Variants in UBE2B observed in about 807,000 individuals in gnomAD.
The protein encoded by UBE2B is ubiquitin conjugating enzyme E2 B, also known as ubiquitin-conjugating enzyme E2 B.
Under a neutral mutation model 24.6 loss-of-function variants are expected in UBE2B, and 11 were observed. That is an observed-to-expected ratio of 0.45 (90% confidence interval 0.28 to 0.74). UBE2B has a LOEUF of 0.74. Among genes scored for constraint, UBE2B ranks in the 30% least tolerant of loss-of-function variants. The pLI is 0.13. For synonymous variants in UBE2B, 68 were observed against 62.4 expected, an observed-to-expected ratio of 1.09 and a Z score of -0.42; for missense variants, 78 against 185.6, an observed-to-expected ratio of 0.42 and a Z score of 3.37.
At position 134,376,322 on chromosome 5, in the gene UBE2B, CAAAA is replaced by C. The variant is rs1176500916; in HGVS notation, c.126-323_126-320del. Among the ~76,000 whole-genome samples, 5 of 7,464 alleles carry C rather than the reference CAAAA, an allele frequency of 6.7e-4. 1 individual carries two copies. The highest frequency in any genetic ancestry group is 5.8e-3 in the East Asian group (1 of 172). The allele number at this position is 7,464 out of a possible 152,430, so 4.9% of individuals were successfully genotyped here. ...GGGGGACAAGAGCAAAACTCCGTCT[CAAAA>C]AAAAAAAAAAAAAAAAAAAAAAATA... On this transcript the variant is annotated intron_variant, in intron 2 of 5. Coordinates refer to ENST00000265339, the MANE Select transcript of UBE2B (RefSeq NM_003337.4).
chr5:134,380,546 C>T (rs1163070694), intron 3 of UBE2B, among the ~76,000 whole-genome samples, 173 bp from the exon 4 acceptor site: 2 of 152,262 alleles, frequency 1.3e-5, no homozygotes, highest in Admixed American at 6.5e-5. Flanking sequence ...GCCAATGCTG[C>T]GTGTTACCAT....
chr5:134,384,238 T>TA (rs1395819707), intron 4 of UBE2B, among the ~76,000 whole-genome samples: 2 of 152,206 alleles, frequency 1.3e-5, no homozygotes, highest in Non-Finnish European at 2.9e-5. Context: ...TAGAGCTCCC[T>TA]ACCCAGAGGA....
At chr5:134,375,716 G>A (rs1004588830) in intron 2 of UBE2B, among the ~76,000 whole-genome samples, 1 of 148,700 alleles carries the variant, frequency 6.7e-6, no homozygotes, top group East Asian at 2.0e-4. Context: ...GGAGAATGGC[G>A]TGAACCCCAG....
chr5:134,375,089 CAA>C (rs1463420517), intron 2 of UBE2B, among the ~76,000 whole-genome samples: 2 of 152,020 alleles, frequency 1.3e-5, no homozygotes, highest in African/African-American at 2.4e-5. Flanking sequence ...AAAGGAGAAA[CAA>C]TAAGTTACTT....
intron 3 of UBE2B, among the ~76,000 whole-genome samples, chr5:134,379,633 G>A (rs1483093111): frequency 1.5e-5 from 2 of 130,644 alleles, no homozygotes; most frequent in African/African-American, 6.1e-5. Flanking sequence ...GCAACAGTGA[G>A]ACTCTGTCTC....
At chr5:134,378,100 G>A (rs868585151) in intron 3 of UBE2B, among the ~76,000 whole-genome samples, 7 of 152,086 alleles carry the variant, frequency 4.6e-5, no homozygotes, top group African/African-American at 1.7e-4. Context: ...AGCCCAAGAG[G>A]TCAAGGCTGC....
chr5:134,376,520 C>A, intron 2 of UBE2B, 149 bp from the exon 3 acceptor site: 1 of 725,552 alleles, frequency 1.4e-6, no homozygotes, highest in Non-Finnish European at 2.3e-6. Context: ...AAATCCAGGG[C>A]TAAGGTGTTA....
At chr5:134,389,362 TCAAGA>T (rs1462157445) in intron 5 of UBE2B, among the ~76,000 whole-genome samples, 1 of 152,180 alleles carries the variant, frequency 6.6e-6, no homozygotes. Flanking sequence ...AAATTTACTG[TCAAGA>T]CATTTGCAAA....
At chr5:134,372,569 A>G (rs983014993) in intron 1 of UBE2B, among the ~76,000 whole-genome samples, 9 of 152,216 alleles carry the variant, frequency 5.9e-5, no homozygotes, top group African/African-American at 1.9e-4. Context: ...TGAACAAAAT[A>G]TCTAGCATAA....
intron 4 of UBE2B, among the ~76,000 whole-genome samples, chr5:134,383,505 C>G (rs1323618102): frequency 2.0e-5 from 2 of 99,184 alleles, no homozygotes; most frequent in African/African-American, 9.0e-5. Flanking sequence ...TTTTTTGAGA[C>G]AGAGTCTTGC....
chr5:134,372,576 A>C (rs112654040), intron 1 of UBE2B, among the ~76,000 whole-genome samples: 1 of 152,350 alleles, frequency 6.6e-6, no homozygotes, highest in African/African-American at 2.4e-5. Flanking sequence ...AATATCTAGC[A>C]TAAAAACTTA....
intron 5 of UBE2B, among the ~76,000 whole-genome samples, chr5:134,389,705 C>G (rs1446077717): frequency 6.6e-6 from 1 of 152,136 alleles, no homozygotes; most frequent in Non-Finnish European, 1.5e-5. Flanking sequence ...CGCCACCACA[C>G]CCGGCTAATT....
chr5:134,380,069 A>T (rs143931452), intron 3 of UBE2B, among the ~76,000 whole-genome samples: 85 of 151,782 alleles, frequency 5.6e-4, no homozygotes, highest in African/African-American at 2.0e-3. Flanking sequence ...GCACCCCCAT[A>T]CCCAGCTCAT....
At chr5:134,385,849 TA>T (rs1196010556) in intron 4 of UBE2B, among the ~76,000 whole-genome samples, 1 of 151,326 alleles carries the variant, frequency 6.6e-6, no homozygotes, top group Non-Finnish European at 1.5e-5. Flanking sequence ...CCGTCTTTAC[TA>T]AAAATATAAA....
intron 4 of UBE2B, among the ~76,000 whole-genome samples, chr5:134,381,602 C>G (rs1367825827): frequency 1.3e-5 from 2 of 152,082 alleles, no homozygotes; most frequent in Non-Finnish European, 2.9e-5. Context: ...TAGACTCTTA[C>G]AAAGCTTCCA....
intron 2 of UBE2B, among the ~76,000 whole-genome samples, chr5:134,376,029 T>TC (rs1758596109): frequency 6.6e-6 from 1 of 151,338 alleles, no homozygotes; most frequent in African/African-American, 2.4e-5. Context: ...AGATGTCTTT[T>TC]CCTCTTAAGA....
intron 3 of UBE2B, among the ~76,000 whole-genome samples, chr5:134,378,259 G>GT (rs892825226): frequency 2.6e-5 from 4 of 151,586 alleles, no homozygotes; most frequent in South Asian, 2.1e-4. Flanking sequence ...ATCTATGTGG[G>GT]TTTTTTTTGT....
Position 134,391,494 on chromosome 5 carries a change from T to C in UBE2B, c.*1141T>C, listed in dbSNP as rs1758895646. Reference sequence around the variant, plus strand: ...AACTATCCTATGCCTTCAAATAGTATAGAAAATGGAAAATATACAAGTAAA... The same window carrying C: ...AACTATCCTATGCCTTCAAATAGTACAGAAAATGGAAAATATACAAGTAAA... On this transcript the variant is annotated 3_prime_UTR_variant, in exon 6 of 6. Coordinates refer to ENST00000265339, the MANE Select transcript of UBE2B (RefSeq NM_003337.4). 6.6e-6 allele frequency: 1 copy of C among 152,618 alleles called. No individual in the cohort carries two copies. The highest frequency in any genetic ancestry group is 1.5e-5 in the Non-Finnish European group (1 of 68,032). The allele number at this position is 152,618 out of a possible 1,614,324, so 9.5% of individuals were successfully genotyped here.
intron 1 of UBE2B, among the ~76,000 whole-genome samples, chr5:134,372,019 C>T (rs916997840): frequency 5.3e-5 from 8 of 152,244 alleles, no homozygotes; most frequent in Non-Finnish European, 1.0e-4. Flanking sequence ...GGAGCTTGTT[C>T]CTCTCCGGCA....
Sources: allele counts gnomAD v4.1 joint callset (sites outside exome capture counted in the v4.1 genomes callset), GRCh38; gene constraint gnomAD v4.1.1; transcripts MANE v1.5; gene names NCBI Gene and HGNC (gene_info 2026-07-23, HGNC 2026-07-21).